The following LCA5L variants were observed in gnomAD, a reference collection of about 807,000 sequenced individuals.
LCA5L encodes the protein lebercilin-like protein.
A neutral mutation model predicts 45.4 loss-of-function variants in LCA5L; 35 were observed. The ratio of observed to expected loss-of-function variants is 0.77; its 90% CI spans 0.59 to 1.02. The LOEUF (loss-of-function observed/expected upper bound fraction) is 1.02. Ranked by LOEUF, LCA5L falls within the 50% of genes least tolerant of loss-of-function variation. LCA5L has a pLI of 0.00. For missense variants in LCA5L, 668 were observed against 761.6 expected, an observed-to-expected ratio of 0.88 and a Z score of 1.45; for synonymous variants, 233 against 264.7, an observed-to-expected ratio of 0.88 and a Z score of 1.16.
chr21:39,414,742 CTGTGTGTGTGTGTGTG>C lies in LCA5L; in HGVS notation c.976-2956_976-2941del, dbSNP rs66478742. Among the ~76,000 whole-genome samples the C allele has an allele frequency of 2.1e-3, 212 of 99,232 alleles. 1 individual carries two copies. Among genetic ancestry groups the C allele is most frequent in the African/African-American group, 8.9e-3 (202 of 22,736 alleles). 65.1% of individuals were successfully genotyped at this position (99,232 alleles called of 152,430 possible). A position where few individuals can be genotyped will look rare whatever the true frequency, so the allele number is the denominator to read the frequency against. ...TCTCTCTCTCTCTCTCTCTCTCTCT[CTGTGTGTGTGTGTGTG>C]TGTGTGTGTGTGTGTGTGTGTCTGT... On this transcript the variant is annotated intron_variant, in intron 7 of 10. Coordinates refer to ENST00000288350, the MANE Select transcript of LCA5L (RefSeq NM_152505.4).
At chr21:39,426,808 A>G (rs114808152) in intron 5 of LCA5L, among the ~76,000 whole-genome samples, 2,124 of 152,280 alleles carry the variant, frequency 0.014, 42 homozygotes, top group African/African-American at 0.046. Flanking sequence ...GGCATGAGAG[A>G]AGTACTGGAC....
chr21:39,417,196 C>G (rs1426018903), intron 7 of LCA5L, among the ~76,000 whole-genome samples: 1 of 152,108 alleles, frequency 6.6e-6, no homozygotes, highest in Admixed American at 6.6e-5. Context: ...CCACACCTGG[C>G]TAATTTTTTT....
At chr21:39,439,188 G>C (rs950338209) in intron 2 of LCA5L, among the ~76,000 whole-genome samples, 1 of 152,202 alleles carries the variant, frequency 6.6e-6, no homozygotes, top group Non-Finnish European at 1.5e-5. Context: ...GAGAAGACAC[G>C]ACGCTGCTGG....
intron 2 of LCA5L, among the ~76,000 whole-genome samples, chr21:39,439,207 ATGGAAGAAG>A (rs1449758761): frequency 6.6e-6 from 1 of 152,176 alleles, no homozygotes; most frequent in Non-Finnish European, 1.5e-5. Flanking sequence ...GGCTTTCAAG[ATGGAAGAAG>A]GGGTCACATG....
intron 3 of LCA5L, among the ~76,000 whole-genome samples, chr21:39,431,261 T>C (rs978673302): frequency 1.3e-5 from 2 of 152,170 alleles, no homozygotes; most frequent in African/African-American, 4.8e-5. Flanking sequence ...CTCCAGTGGA[T>C]GTCTGTATTT....
chr21:39,428,807 TCTCA>T (rs939194778), intron 4 of LCA5L, among the ~76,000 whole-genome samples: 1 of 150,054 alleles, frequency 6.7e-6, no homozygotes, highest in African/African-American at 2.5e-5. Context: ...GAAATGGGAG[TCTCA>T]CTATGTTGCC....
intron 7 of LCA5L, among the ~76,000 whole-genome samples, chr21:39,416,390 G>C (rs1471858011): frequency 6.6e-6 from 1 of 152,202 alleles, no homozygotes; most frequent in Admixed American, 6.5e-5. Flanking sequence ...AGATGGGCCT[G>C]AGTCCTTTTG....
At position 39,423,329 on chromosome 21, in the gene LCA5L, G is replaced by T. The variant is rs778163850; in HGVS notation, c.484C>A (p.His162Asn). The change falls in exon 6 of 11, where the codon CAT becomes AAT. Residue 162 changes from histidine (H) to asparagine (N), a missense_variant. His to Asn is a moderately conservative substitution (Grantham distance 68, BLOSUM62 1). Transcript: ENST00000288350. ...KGLKNELADM[H>N]HKLEAILTEN... ...GTAAGGATGGCTTCCAATTTATGAT[G>T]CATATCAGCTAATTCATTTTTTAGT... 9.3e-6 allele frequency: 15 copies of T among 1,612,780 alleles called. No individual in the cohort carries two copies. The highest frequency in any genetic ancestry group is 1.3e-5 in the Non-Finnish European group (15 of 1,179,730).
chr21:39,408,671 G>A (rs2039534013), intron 10 of LCA5L: 1 of 152,364 alleles, frequency 6.6e-6, no homozygotes, highest in Admixed American at 6.5e-5. Context: ...ACTCCCAAGA[G>A]CTGAAGGTAA....
At chr21:39,445,233 CA>C (rs2077344326) in intron 1 of LCA5L, among the ~76,000 whole-genome samples, 1 of 151,982 alleles carries the variant, frequency 6.6e-6, no homozygotes, top group Non-Finnish European at 1.5e-5. Flanking sequence ...GAAGACATTT[CA>C]AAAGATTTAG....
At chr21:39,408,479 A>G (rs1222650643) in intron 10 of LCA5L, 1 of 152,304 alleles carries the variant, frequency 6.6e-6, no homozygotes, top group Non-Finnish European at 1.5e-5. Context: ...TGCACACCAG[A>G]GATGAGGAGA....
intron 3 of LCA5L, among the ~76,000 whole-genome samples, chr21:39,431,723 G>A (rs538624438): frequency 6.6e-6 from 1 of 152,040 alleles, no homozygotes; most frequent in Non-Finnish European, 1.5e-5. Context: ...TCACCATGTT[G>A]GCCAGGATGG....
At chr21:39,433,339 A>G (rs2075939436) in intron 3 of LCA5L, among the ~76,000 whole-genome samples, 1 of 148,038 alleles carries the variant, frequency 6.8e-6, no homozygotes, top group Non-Finnish European at 1.5e-5. Context: ...AATTGCTTGA[A>G]CCCAGGAGGT....
Position 39,428,511 on chromosome 21 carries a change from A to G in LCA5L, c.-10-8T>C, listed in dbSNP as rs575312511. The G allele has an allele frequency of 1.4e-6, 2 of 1,451,506 alleles. No homozygotes were observed. Among genetic ancestry groups the G allele is most frequent in the Admixed American group, 4.9e-5 (2 of 40,706 alleles). 89.9% of individuals were successfully genotyped at this position (1,451,506 alleles called of 1,614,324 possible). ...AAAGACATAGCAAACAACCTAATAA[A>G]AGAAAAGTAAAACCTAATAAAAGTA... On this transcript the variant is annotated splice_polypyrimidine_tract_variant and splice_region_variant and intron_variant, in intron 4 of 10. Coordinates refer to ENST00000288350, the MANE Select transcript of LCA5L (RefSeq NM_152505.4).
chr21:39,439,251 A>G (rs925799636), intron 2 of LCA5L, among the ~76,000 whole-genome samples: 1 of 152,204 alleles, frequency 6.6e-6, no homozygotes, highest in Non-Finnish European at 1.5e-5. Flanking sequence ...CTTTTCTAGA[A>G]GTTAGAAAAG....
intron 10 of LCA5L, among the ~76,000 whole-genome samples, chr21:39,408,241 G>C (rs980621157): frequency 3.3e-5 from 5 of 152,288 alleles, no homozygotes; most frequent in Middle Eastern, 3.4e-3. Flanking sequence ...ATCTAGGCAA[G>C]TATTAATCAA....
At chr21:39,418,752 G>A (rs915880187) in intron 7 of LCA5L, among the ~76,000 whole-genome samples, 7 of 152,050 alleles carry the variant, frequency 4.6e-5, no homozygotes, top group Non-Finnish European at 5.9e-5. Context: ...TGCCCGCCTC[G>A]GCCTCCCAAA....
intron 2 of LCA5L, among the ~76,000 whole-genome samples, chr21:39,435,839 T>C (rs1325615710): frequency 6.6e-6 from 1 of 152,302 alleles, no homozygotes; most frequent in South Asian, 2.1e-4. Context: ...GGTTTTACCA[T>C]GTTGGCCAGG....
intron 7 of LCA5L, among the ~76,000 whole-genome samples, chr21:39,419,531 A>AAAG (rs1461877713): frequency 4.3e-5 from 6 of 138,674 alleles, no homozygotes; most frequent in Non-Finnish European, 7.4e-5. Flanking sequence ...TTCAAAAAAA[A>AAAG]AAAAGAAAAA....
Sources: allele counts gnomAD v4.1 joint callset (sites outside exome capture counted in the v4.1 genomes callset), GRCh38; gene constraint gnomAD v4.1.1; transcripts MANE v1.5; gene names NCBI Gene and HGNC (gene_info 2026-07-23, HGNC 2026-07-21).